Variants in ARHGAP6 observed in about 807,000 individuals in gnomAD.
The protein encoded by ARHGAP6 is Rho GTPase activating protein 6.
Under a neutral mutation model 55.7 loss-of-function variants are expected in ARHGAP6, and 16 were observed. The ratio of observed to expected loss-of-function variants is 0.29; its 90% confidence interval spans 0.19 to 0.44. The LOEUF is 0.44. Ranked by LOEUF, ARHGAP6 falls within the 20% of genes least tolerant of loss-of-function variation. The probability of loss-of-function intolerance (pLI) is 1.00; values close to 1 mark genes in which losing one functional copy is unlikely to be tolerated. For synonymous variants in ARHGAP6, 382 were observed against 360.9 expected (o/e 1.06, Z -0.66); for missense variants, 698 against 808.9 (o/e 0.86, Z 1.66).
intron 1 of ARHGAP6, among the ~76,000 whole-genome samples, chrX:11,401,774 T>C (rs1343113074): frequency 8.9e-6 from 1 of 112,321 alleles, no homozygotes; most frequent in Non-Finnish European, 1.9e-5. Flanking sequence ...CAGTAAGTTA[T>C]TTGACATTAC....
intron 1 of ARHGAP6, among the ~76,000 whole-genome samples, chrX:11,537,891 A>G (rs971802728): frequency 1.8e-5 from 2 of 111,624 alleles, no homozygotes; most frequent in African/African-American, 6.5e-5. Flanking sequence ...ATTAAAAAAC[A>G]CAAACAATAT....
intron 10 of ARHGAP6, among the ~76,000 whole-genome samples, chrX:11,147,252 TAAAC>T (rs1377927540): frequency 9.0e-6 from 1 of 110,945 alleles, no homozygotes; most frequent in African/African-American, 3.2e-5. Flanking sequence ...TACATATTCA[TAAAC>T]ACATATACAC....
intron 1 of ARHGAP6, among the ~76,000 whole-genome samples, chrX:11,440,704 AT>A (rs1460405279): frequency 9.0e-6 from 1 of 111,481 alleles, no homozygotes; most frequent in Non-Finnish European, 1.9e-5. Flanking sequence ...TGCCATACTC[AT>A]TTTTTAACCC....
intron 1 of ARHGAP6, among the ~76,000 whole-genome samples, chrX:11,607,633 C>G (rs1402596233): frequency 1.8e-5 from 2 of 112,390 alleles, no homozygotes; most frequent in Admixed American, 9.4e-5. Flanking sequence ...AAATCTCCAT[C>G]TTCTTTTGTA....
chrX:11,428,337 AG>A (rs2147786230), intron 1 of ARHGAP6, among the ~76,000 whole-genome samples: 1 of 111,797 alleles, frequency 8.9e-6, no homozygotes, highest in East Asian at 2.8e-4. Context: ...CTGGTCACTT[AG>A]GGTGACCCGA....
intron 1 of ARHGAP6, among the ~76,000 whole-genome samples, chrX:11,592,530 A>G (rs1025938167): frequency 9.0e-6 from 1 of 111,404 alleles, no homozygotes. Context: ...AGAAGACAAA[A>G]TAGGAAAAAA....
chrX:11,240,638 A>G (rs2047261927), intron 2 of ARHGAP6, among the ~76,000 whole-genome samples: 1 of 111,724 alleles, frequency 9.0e-6, no homozygotes, highest in Non-Finnish European at 1.9e-5. Context: ...CCTTTGATTG[A>G]TCAATAGGTG....
intron 1 of ARHGAP6, among the ~76,000 whole-genome samples, chrX:11,355,617 G>A (rs2048921569): frequency 9.0e-6 from 1 of 111,730 alleles, no homozygotes; most frequent in African/African-American, 3.3e-5. Context: ...AAGGGTAAGG[G>A]GATTCTTAAT....
chrX:11,387,682 T>G (rs56303357), intron 1 of ARHGAP6, among the ~76,000 whole-genome samples: 20 of 111,386 alleles, frequency 1.8e-4, no homozygotes, highest in Non-Finnish European at 3.4e-4. Context: ...TAGGTATATC[T>G]CCTAATGCTA....
At chrX:11,224,075 T>A (rs1042629298) in intron 2 of ARHGAP6, 10 of 135,323 alleles carry the variant, frequency 7.4e-5, no homozygotes, top group African/African-American at 3.1e-4. Flanking sequence ...ATTTTTCATC[T>A]CTCTATGACA....
intron 9 of ARHGAP6, 191 bp downstream of exon 9, chrX:11,169,314 A>T: frequency 3.1e-6 from 1 of 320,183 alleles, no homozygotes. Flanking sequence ...GTTTGTTTAA[A>T]CATGGAGTCA....
At chrX:11,418,568 A>G (rs2049782624) in intron 1 of ARHGAP6, among the ~76,000 whole-genome samples, 1 of 112,341 alleles carries the variant, frequency 8.9e-6, no homozygotes, top group African/African-American at 3.2e-5. Context: ...ATACATTTAC[A>G]TATTTTGAAT....
At chrX:11,609,718 C>T (rs745526093) in intron 1 of ARHGAP6, among the ~76,000 whole-genome samples, 1 of 112,202 alleles carries the variant, frequency 8.9e-6, no homozygotes, top group East Asian at 2.8e-4. Context: ...CTGCTACATT[C>T]AGGACACTAC....
At chrX:11,290,440 T>C (rs5934995) in intron 1 of ARHGAP6, 6 of 373,144 alleles carry the variant, frequency 1.6e-5, no homozygotes, top group African/African-American at 2.8e-5. Context: ...AATTCATCGG[T>C]GGTTTTGTGC....
At chrX:11,443,289 C>T (rs760079675) in intron 1 of ARHGAP6, among the ~76,000 whole-genome samples, 42 of 108,603 alleles carry the variant, frequency 3.9e-4, no homozygotes, top group African/African-American at 1.4e-3. Context: ...TTTCCCTTTT[C>T]TATTGTTGAT....
intron 1 of ARHGAP6, among the ~76,000 whole-genome samples, chrX:11,345,871 G>C (rs750747428): frequency 1.8e-5 from 2 of 111,729 alleles, no homozygotes; most frequent in African/African-American, 3.3e-5. Flanking sequence ...AGTTGCAAAA[G>C]TGTGTAACCC....
chrX:11,513,513 G>A (rs2050805079), intron 1 of ARHGAP6, among the ~76,000 whole-genome samples: 1 of 111,544 alleles, frequency 9.0e-6, no homozygotes, highest in Non-Finnish European at 1.9e-5. Context: ...TGTTTTACCT[G>A]TTAAATGGAG....
chrX:11,294,495 G>GA (rs2048048254), intron 1 of ARHGAP6, among the ~76,000 whole-genome samples: 1 of 111,649 alleles, frequency 9.0e-6, no homozygotes, highest in Non-Finnish European at 1.9e-5. Context: ...ATAGGCATAG[G>GA]AAAATGGCAT....
intron 11 of ARHGAP6, chrX:11,143,677 G>A (rs754362219): frequency 9.6e-7 from 1 of 1,036,842 alleles, no homozygotes; most frequent in East Asian, 3.5e-5. Flanking sequence ...TTCCTAGGAT[G>A]CTGGAGGGAA....
Sources: allele counts gnomAD v4.1 joint callset (sites outside exome capture counted in the v4.1 genomes callset), GRCh38; gene constraint gnomAD v4.1.1; transcripts MANE v1.5; gene names NCBI Gene and HGNC (gene_info 2026-07-23, HGNC 2026-07-21).